The following METAP1 variants were observed in gnomAD, a reference collection of about 807,000 sequenced individuals.
METAP1 encodes methionyl aminopeptidase 1.
Under a neutral mutation model 53.8 loss-of-function variants are expected in METAP1, and 28 were observed. That is an observed-to-expected ratio of 0.52 (90% confidence interval 0.39 to 0.71). The LOEUF is 0.71. METAP1 is among the 30% of genes least tolerant of loss of function. The probability of loss-of-function intolerance (pLI) is 0.00; values close to 1 mark genes in which losing one functional copy is unlikely to be tolerated. For synonymous variants in METAP1, 181 were observed against 165.7 expected (o/e 1.09, Z -0.71); for missense variants, 389 against 479.8 (o/e 0.81, Z 1.77).
chr4:99,000,886 G>T (rs1722890779), intron 1 of METAP1, among the ~76,000 whole-genome samples: 2 of 151,938 alleles, frequency 1.3e-5, no homozygotes, highest in South Asian at 4.1e-4. Context: ...TGTGTTTTTG[G>T]TAGAGACGGG....
intron 9 of METAP1, among the ~76,000 whole-genome samples, chr4:99,052,032 C>G (rs1002949240): frequency 2.6e-5 from 4 of 152,308 alleles, no homozygotes; most frequent in Admixed American, 2.6e-4. Context: ...CTGTTTGGTT[C>G]TAGACCCTTG....
intron 1 of METAP1, among the ~76,000 whole-genome samples, chr4:99,015,503 T>C (rs1404136912): frequency 6.6e-6 from 1 of 152,190 alleles, no homozygotes; most frequent in Non-Finnish European, 1.5e-5. Flanking sequence ...GGGAAATGCT[T>C]CCTTATGTGA....
chr4:99,001,955 G>C (rs190032727), intron 1 of METAP1, among the ~76,000 whole-genome samples: 2 of 149,502 alleles, frequency 1.3e-5, no homozygotes, highest in African/African-American at 5.1e-5. Flanking sequence ...ACAAAAAAAC[G>C]AGCATCATTT....
intron 1 of METAP1, among the ~76,000 whole-genome samples, chr4:99,013,174 A>AT (rs937834670): frequency 3.3e-5 from 5 of 152,146 alleles, no homozygotes; most frequent in African/African-American, 4.8e-5. Context: ...TAACTTACCT[A>AT]TTTTTTTAAA....
intron 2 of METAP1, among the ~76,000 whole-genome samples, chr4:99,032,240 T>TG (rs1475741724): frequency 1.9e-4 from 29 of 152,102 alleles, no homozygotes; most frequent in African/African-American, 6.8e-4. Flanking sequence ...TGTTTTGTTT[T>TG]TTTTTGAGAC....
At chr4:99,014,537 C>G (rs981540882) in intron 1 of METAP1, among the ~76,000 whole-genome samples, 1 of 152,142 alleles carries the variant, frequency 6.6e-6, no homozygotes, top group Non-Finnish European at 1.5e-5. Flanking sequence ...AACGTTGACT[C>G]GAGTCTAGCA....
At chr4:98,998,437 C>A (rs1021924294) in intron 1 of METAP1, among the ~76,000 whole-genome samples, 2 of 152,188 alleles carry the variant, frequency 1.3e-5, no homozygotes, top group Non-Finnish European at 2.9e-5. Flanking sequence ...ACACAAGAAT[C>A]ACTTGAACCT....
At chr4:99,005,769 C>A in intron 1 of METAP1, 1 of 431,642 alleles carries the variant, frequency 2.3e-6, no homozygotes, top group South Asian at 1.7e-5. Flanking sequence ...TCTTTTGCAG[C>A]AACGTGGAAG....
intron 2 of METAP1, among the ~76,000 whole-genome samples, chr4:99,033,466 C>T (rs997745673): frequency 4.6e-5 from 7 of 152,172 alleles, no homozygotes; most frequent in Admixed American, 2.0e-4. Flanking sequence ...GAGGTGCAGC[C>T]AGTATGTTGA....
chr4:99,034,481 T>TA (rs1725285185), intron 3 of METAP1, 139 bp downstream of exon 3: 4 of 620,656 alleles, frequency 6.4e-6, no homozygotes, highest in South Asian at 3.5e-5. Flanking sequence ...CTTGAGCTCT[T>TA]ACGGTGCATC....
At chr4:99,010,639 T>C (rs1723420629) in intron 1 of METAP1, among the ~76,000 whole-genome samples, 2 of 152,218 alleles carry the variant, frequency 1.3e-5, no homozygotes, top group African/African-American at 4.8e-5. Context: ...TTTTCAGAAT[T>C]GTTTTGGCTA....
At chr4:99,060,301 A>G (rs866085376) in intron 10 of METAP1, among the ~76,000 whole-genome samples, 5 of 149,572 alleles carry the variant, frequency 3.3e-5, no homozygotes, top group Non-Finnish European at 1.5e-5. Context: ...TCTGCTTTCT[A>G]TCTCCATGAT....
chr4:98,995,784 A>T lies in METAP1; in HGVS notation c.31A>T (p.Thr11Ser). 1 of 1,546,338 alleles carries T rather than the reference A, an allele frequency of 6.5e-7. No individual in the cohort carries two copies. Among genetic ancestry groups the T allele is most frequent in the Non-Finnish European group, 8.7e-7 (1 of 1,144,668 alleles). ...GGCCGTGGAGACGCGGGTGTGCGAG[A>T]CAGACGGCTGCAGCAGTGAGGCCAA... is the stretch of plus-strand genomic sequence containing the variant. Reference protein sequence around the residue: MAAVETRVCETDGCSSEAKLQ... With the variant: MAAVETRVCESDGCSSEAKLQ... Residue 11 changes from threonine to serine, a missense_variant, in exon 1 of 11, where the codon ACA becomes TCA. Coordinates refer to ENST00000296411, the MANE Select transcript of METAP1 (RefSeq NM_015143.3).
intron 1 of METAP1, among the ~76,000 whole-genome samples, chr4:98,997,925 C>G (rs1722715338): frequency 1.3e-5 from 2 of 152,190 alleles, no homozygotes; most frequent in Admixed American, 1.3e-4. Context: ...TAATTTATTT[C>G]TCTACTGTAA....
At chr4:99,040,967 A>G (rs1725817122) in intron 5 of METAP1, 76 bp from the exon 6 acceptor site, 15 of 788,316 alleles carry the variant, frequency 1.9e-5, no homozygotes, top group Non-Finnish European at 2.7e-5. Context: ...CCAATCTTCC[A>G]CAGTCAAACA....
At chr4:99,027,159 A>G (rs10034645) in intron 1 of METAP1, among the ~76,000 whole-genome samples, 2,069 of 152,258 alleles carry the variant, frequency 0.014, 40 homozygotes, top group African/African-American at 0.047. Flanking sequence ...ACCCAAGGGA[A>G]AATTTCCCCT....
chr4:99,030,706 A>G (rs1724949060), intron 2 of METAP1, among the ~76,000 whole-genome samples: 4 of 152,102 alleles, frequency 2.6e-5, no homozygotes, highest in Admixed American at 2.6e-4. Flanking sequence ...CTTTAAAGTT[A>G]GCACTTCAGT....
At chr4:99,004,609 G>A (rs989074177) in intron 1 of METAP1, among the ~76,000 whole-genome samples, 1 of 151,842 alleles carries the variant, frequency 6.6e-6, no homozygotes, top group African/African-American at 2.4e-5. Flanking sequence ...AACATTACCA[G>A]GAAAACAAGT....
intron 1 of METAP1, among the ~76,000 whole-genome samples, chr4:99,020,883 T>C (rs567140125): frequency 6.6e-6 from 1 of 152,292 alleles, no homozygotes; most frequent in Non-Finnish European, 1.5e-5. Flanking sequence ...TTCTTTCCAG[T>C]GTGTAAGCAT....
Sources: gnomAD v4.1 joint callset for allele counts (sites outside exome capture counted in the v4.1 genomes callset) on GRCh38, gnomAD v4.1.1 for gene constraint, MANE v1.5 for transcripts, NCBI Gene and HGNC (gene_info 2026-07-23, HGNC 2026-07-21) for gene names.